The following FRMPD1 variants were observed in gnomAD, a reference collection of about 807,000 sequenced individuals.
The protein encoded by FRMPD1 is FERM and PDZ domain containing 1.
In FRMPD1, 76 loss-of-function variants were observed where a neutral mutation model predicts 117.8. The observed-to-expected ratio is 0.65, with a 90% CI of 0.54 to 0.78. FRMPD1 has a LOEUF of 0.78. Among genes scored for constraint, FRMPD1 ranks in the 30% least tolerant of loss-of-function variants. The pLI is 0.00. For synonymous variants in FRMPD1, 783 were observed against 770.4 expected (o/e 1.02, Z -0.27); for missense variants, 1,786 against 1,964.5 (o/e 0.91, Z 1.72).
In FRMPD1 at chr9:37,724,386, C is replaced by G. The variant is rs1322893648; in HGVS notation, c.612+66C>G. On this transcript the variant is annotated intron_variant, in intron 7 of 15. Transcript: ENST00000377765. ...GTTCTGGCTGCTAGGACCCCCCAGG[C>G]ATCTTGCCCTGCATCTGCCTTGGTG... The G allele has an allele frequency of 1.2e-5, 10 of 825,946 alleles. No homozygotes were observed. In the East Asian group the frequency reaches 2.6e-4, roughly 21 times the overall value. 51.2% of individuals were successfully genotyped at this position (825,946 alleles called of 1,614,324 possible).
Position 37,746,819 on chromosome 9 carries a change from C to A in FRMPD1, c.*50C>A. The A allele has an allele frequency of 8.0e-7, 1 of 1,248,712 alleles. No individual in the cohort carries two copies. Among genetic ancestry groups the A allele is most frequent in the African/African-American group, 1.5e-5 (1 of 67,610 alleles). 77.4% of individuals were successfully genotyped at this position (1,248,712 alleles called of 1,614,324 possible). On this transcript the variant is annotated 3_prime_UTR_variant, in exon 16 of 16. Coordinates refer to ENST00000377765, the MANE Select transcript of FRMPD1 (RefSeq NM_014907.3). ...CTGCCCTGTCCTGCCTTGGACACTT[C>A]CCTGAGAAGCCCCTTCCACTCTCCC...
the FRMPD1 span, among the ~76,000 whole-genome samples, chr9:37,626,315 C>A: frequency 6.6e-6 from 1 of 150,894 alleles, no homozygotes; most frequent in Non-Finnish European, 1.5e-5. Context: ...TGCGACAGAG[C>A]GAGACTCCAT....
the FRMPD1 span, among the ~76,000 whole-genome samples, chr9:37,642,871 G>A: frequency 3.3e-5 from 5 of 152,096 alleles, no homozygotes; most frequent in African/African-American, 1.2e-4. Context: ...GGAAAGTCTT[G>A]GAAGCTTTCT....
At position 37,732,471 on chromosome 9, in the gene FRMPD1, A is replaced by T. The variant is rs41304744; in HGVS notation, c.995+31A>T. On this transcript the variant is annotated intron_variant, in intron 10 of 15. Transcript: ENST00000377765. ...TGGCAGGGGATGGCAGCTGCATTGC[A>T]TTTATAACTTGCTGGCCCCTGGCCA... 7,372 of 1,571,984 alleles carry T rather than the reference A, an allele frequency of 4.7e-3. 15 individuals are homozygous for T. Among genetic ancestry groups the T allele is most frequent in the Non-Finnish European group, 5.7e-3 (6,561 of 1,158,390 alleles).
intron 1 of FRMPD1, among the ~76,000 whole-genome samples, chr9:37,666,229 G>A (rs770727765): frequency 5.3e-5 from 8 of 152,176 alleles, no homozygotes; most frequent in South Asian, 2.1e-4. Context: ...GTTGTTCTGC[G>A]TTACTCAGAA....
At chr9:37,619,815 A>G in the FRMPD1 span, among the ~76,000 whole-genome samples, 1 of 150,774 alleles carries the variant, frequency 6.6e-6, no homozygotes, top group African/African-American at 2.4e-5. Context: ...TTATGTGGGG[A>G]CCCTGCCGTA....
chr9:37,644,373 C>T, the FRMPD1 span, among the ~76,000 whole-genome samples: 1 of 152,192 alleles, frequency 6.6e-6, no homozygotes, highest in Non-Finnish European at 1.5e-5. Context: ...CTTTGTCCTT[C>T]TTGCAATGGT....
intron 1 of FRMPD1, among the ~76,000 whole-genome samples, chr9:37,665,144 A>G (rs1821123956): frequency 1.3e-5 from 2 of 152,254 alleles, no homozygotes; most frequent in South Asian, 2.1e-4. Flanking sequence ...TTTACAGTGT[A>G]TATTTTTCAG....
intron 1 of FRMPD1, among the ~76,000 whole-genome samples, chr9:37,683,244 G>A (rs1036809369): frequency 6.6e-6 from 1 of 152,192 alleles, no homozygotes; most frequent in African/African-American, 2.4e-5. Flanking sequence ...TTTTGTGGCA[G>A]AAATAGACTT....
At chr9:37,716,274 C>G (rs564138829) in intron 5 of FRMPD1, among the ~76,000 whole-genome samples, 8 of 152,224 alleles carry the variant, frequency 5.3e-5, no homozygotes, top group Non-Finnish European at 1.2e-4. Context: ...CCCTTCAGTT[C>G]CATGCTTGTG....
At chr9:37,651,374 G>A (rs1172474919) in intron 1 of FRMPD1, among the ~76,000 whole-genome samples, 2 of 152,238 alleles carry the variant, frequency 1.3e-5, no homozygotes, top group Admixed American at 1.3e-4. Flanking sequence ...CAACGCGGGA[G>A]GGGGAGAGAC....
chr9:37,687,490 G>A (rs1821990920), intron 1 of FRMPD1, among the ~76,000 whole-genome samples: 1 of 152,112 alleles, frequency 6.6e-6, no homozygotes, highest in Admixed American at 6.5e-5. Context: ...AATTTCCAAC[G>A]GACTCGATCC....
intron 4 of FRMPD1, 74 bp downstream of exon 4, chr9:37,708,575 A>G (rs2296554): frequency 0.21 from 187,983 of 890,998 alleles, 22,463 homozygotes; most frequent in Non-Finnish European, 0.26. Flanking sequence ...CAGGAATGGC[A>G]TAACTGATCC....
chr9:37,721,234 T>G (rs778530640), intron 6 of FRMPD1, among the ~76,000 whole-genome samples: 2 of 152,216 alleles, frequency 1.3e-5, no homozygotes, highest in Non-Finnish European at 2.9e-5. Flanking sequence ...ATCAGCCACA[T>G]AAGGCAGAGA....
the FRMPD1 span, among the ~76,000 whole-genome samples, chr9:37,638,022 TTC>T: frequency 2.8e-3 from 224 of 81,056 alleles, 31 homozygotes; most frequent in Non-Finnish European, 4.1e-3. Context: ...CTTTCTTTCT[TTC>T]TCTCTCTTTC....
chr9:37,604,044 A>G, the FRMPD1 span, among the ~76,000 whole-genome samples: 10 of 152,222 alleles, frequency 6.6e-5, no homozygotes, highest in African/African-American at 2.2e-4. Context: ...GAGATGATGC[A>G]AAGAGTACCA....
intron 7 of FRMPD1, among the ~76,000 whole-genome samples, chr9:37,726,357 C>A (rs1363312551): frequency 6.6e-6 from 1 of 152,158 alleles, no homozygotes; most frequent in South Asian, 2.1e-4. Context: ...CATTTATTGA[C>A]ACTTTTTGTG....
the FRMPD1 span, among the ~76,000 whole-genome samples, chr9:37,635,874 C>T: frequency 6.6e-6 from 1 of 152,150 alleles, no homozygotes; most frequent in Non-Finnish European, 1.5e-5. Flanking sequence ...AGGTGTGCTG[C>T]CTCGGGGAAA....
At position 37,745,929 on chromosome 9, in the gene FRMPD1, C is replaced by T; in HGVS notation, c.3897C>T (p.Ala1299=). Reference sequence around the variant, plus strand: ...CTGAGAAGTCTTTTCTGTGCTTTGCCCCAGAAAGCCATCCTGAAGTCTCTG... The same window carrying T: ...CTGAGAAGTCTTTTCTGTGCTTTGCTCCAGAAAGCCATCCTGAAGTCTCTG... ...LSAEKSFLCF[A]PESHPEVSAS... is the part of the protein sequence containing the mutation. The change falls in exon 16 of 16, where the codon GCC becomes GCT. Residue 1299 remains alanine (A), a synonymous_variant. Coordinates refer to ENST00000377765, the MANE Select transcript of FRMPD1 (RefSeq NM_014907.3). 6.2e-7 allele frequency: 1 copy of T among 1,614,200 alleles called. No homozygotes were observed. The highest frequency in any genetic ancestry group is 8.5e-7 in the Non-Finnish European group (1 of 1,180,028).
Sources: gnomAD v4.1 joint callset for allele counts (sites outside exome capture counted in the v4.1 genomes callset) on GRCh38, gnomAD v4.1.1 for gene constraint, MANE v1.5 for transcripts, NCBI Gene and HGNC (gene_info 2026-07-23, HGNC 2026-07-21) for gene names.